Variants in ANKRD36B observed in about 807,000 individuals in gnomAD.
The protein encoded by ANKRD36B is ankyrin repeat domain 36B.
ANKRD36B carries 37 observed loss-of-function variants against 135.7 expected under a neutral mutation model. The observed-to-expected ratio is 0.27, with a 90% confidence interval of 0.21 to 0.36. The LOEUF (loss-of-function observed/expected upper bound fraction) is 0.36. Ranked by LOEUF, ANKRD36B falls within the 10% of genes least tolerant of loss-of-function variation. The pLI is 1.00. For synonymous variants in ANKRD36B, 179 were observed against 348.1 expected (o/e 0.51, Z 5.41); for missense variants, 549 against 1,037.1 (o/e 0.53, Z 6.46).
Position 97,589,814 on chromosome 2 carries a change from G to C in ANKRD36B, c.-129C>G. ...AGAGCAACAACAGGCAAAGCAGTCT[G>C]TGCACGGACCTCCGCGCAGACTCTC... On this transcript the variant is annotated 5_prime_UTR_variant, in exon 1 of 44. Coordinates refer to ENST00000359901, the MANE Select transcript of ANKRD36B (RefSeq NM_001393939.1). The C allele has an allele frequency of 1.4e-6, 2 of 1,413,918 alleles. No homozygotes were observed. Among genetic ancestry groups the C allele is most frequent in the Non-Finnish European group, 1.9e-6 (2 of 1,026,718 alleles). The allele number at this position is 1,413,918 out of a possible 1,614,324, so 87.6% of individuals were successfully genotyped here. A position where few individuals can be genotyped will look rare whatever the true frequency, so the allele number is the denominator to read the frequency against.
Position 97,553,151 on chromosome 2 carries a change from G to C in ANKRD36B, c.1273+17C>G. The C allele has an allele frequency of 6.2e-7, 1 of 1,607,282 alleles. No homozygotes were observed. The highest frequency in any genetic ancestry group is 8.5e-7 in the Non-Finnish European group (1 of 1,175,968). On this transcript the variant is annotated intron_variant, in intron 16 of 43. Coordinates refer to ENST00000359901, the MANE Select transcript of ANKRD36B (RefSeq NM_001393939.1). ...ATCTGGATTGAACATGACATTGAAT[G>C]TGTTTTGCAAAATTACCTGTCCCAG...
chr2:97,550,485 T>A (rs1265990329), intron 18 of ANKRD36B, among the ~76,000 whole-genome samples: 2 of 151,860 alleles, frequency 1.3e-5, no homozygotes, highest in African/African-American at 2.4e-5. Context: ...AGTATCATGT[T>A]ATTTTCTAAA....
At chr2:97,557,472 A>T (rs1319096274) in intron 10 of ANKRD36B, among the ~76,000 whole-genome samples, 1 of 151,828 alleles carries the variant, frequency 6.6e-6, no homozygotes, top group Admixed American at 6.6e-5. Flanking sequence ...CCAGGAATCA[A>T]TGTCAAAGAA....
At chr2:97,571,990 T>C (rs946669857) in intron 6 of ANKRD36B, among the ~76,000 whole-genome samples, 3 of 152,122 alleles carry the variant, frequency 2.0e-5, no homozygotes, top group Admixed American at 6.6e-5. Context: ...AAGGAAGTTA[T>C]AGACCAGCAC....
intron 22 of ANKRD36B, among the ~76,000 whole-genome samples, chr2:97,546,237 T>C (rs2079449781): frequency 6.6e-6 from 1 of 151,766 alleles, no homozygotes; most frequent in Non-Finnish European, 1.5e-5. Context: ...ATGTCTTTCA[T>C]GTAAGAAATC....
intron 18 of ANKRD36B, among the ~76,000 whole-genome samples, chr2:97,549,928 A>G (rs1469361785): frequency 2.0e-5 from 3 of 151,976 alleles, no homozygotes; most frequent in Non-Finnish European, 4.4e-5. Flanking sequence ...AAATCAGAGG[A>G]GCAACTCACA....
In ANKRD36B at chr2:97,526,472, C is replaced by T. The variant is rs1172110082; in HGVS notation, c.2266-3005G>A. Among the ~76,000 whole-genome samples, 5 of 97,076 alleles carry T rather than the reference C, an allele frequency of 5.2e-5. 2 individuals are homozygous for T. The highest frequency in any genetic ancestry group is 1.1e-4 in the Non-Finnish European group (4 of 36,452). 63.7% of individuals were successfully genotyped at this position (97,076 alleles called of 152,430 possible). A position where few individuals can be genotyped will look rare whatever the true frequency, so the allele number is the denominator to read the frequency against. On this transcript the variant is annotated intron_variant, in intron 35 of 43. Transcript: ENST00000359901. ...ATGGGGAAAAAACAGAGCAGAAAAA[C>T]TGGAAACTCTAAAAAGCAGAGTGCC... is the stretch of plus-strand genomic sequence containing the variant.
chr2:97,536,349 A>G lies in ANKRD36B; in HGVS notation c.2142T>C (p.Ser714=). ...TCATTTTGGTGGCTGTATTCAGAAC[A>G]GAATCTTTATTTTCAATTGTAGCCT... ...TLKATIENKD[S]VLNTATKMKE... is the part of the protein sequence containing the mutation. Residue 714 remains serine, a synonymous_variant, in exon 34 of 44, where the codon TCT becomes TCC. Transcript: ENST00000359901. The G allele has an allele frequency of 1.1e-6, 1 of 943,490 alleles. No individual in the cohort carries two copies. The highest frequency in any genetic ancestry group is 2.2e-5 in the Admixed American group (1 of 44,624). The allele number at this position is 943,490 out of a possible 1,614,324, so 58.4% of individuals were successfully genotyped here. A position where few individuals can be genotyped will look rare whatever the true frequency, so the allele number is the denominator to read the frequency against.
At chr2:97,551,042 T>C (rs762262722) in intron 18 of ANKRD36B, among the ~76,000 whole-genome samples, 2 of 151,890 alleles carry the variant, frequency 1.3e-5, no homozygotes, top group Non-Finnish European at 2.9e-5. Context: ...CCAGAGCCCC[T>C]TATGTCTTCA....
Position 97,560,678 on chromosome 2 carries a change from A to T in ANKRD36B, c.852T>A (p.Pro284=), listed in dbSNP as rs367884437. ...TTGCAAAATTACCTGTCCCAGATAT[A>T]GGTCCCTCCTTTATTTCTGTGGCTA... ...SNIATEIKEG[P]ISGTVSSQKQ... is the part of the protein sequence containing the mutation. Residue 284 remains proline (P), a synonymous_variant, in exon 8 of 44, where the codon CCT becomes CCA. Transcript: ENST00000359901. 4.0e-5 allele frequency: 64 copies of T among 1,603,574 alleles called. No individual in the cohort carries two copies. The South Asian group carries it at 4.1e-4, about 10-fold the overall frequency.
At chr2:97,557,051 A>G (rs2080595128) in intron 11 of ANKRD36B, 42 bp from the exon 12 acceptor site, 1 of 1,546,986 alleles carries the variant, frequency 6.5e-7, no homozygotes, top group African/African-American at 1.4e-5. Context: ...CATAATATAT[A>G]TTTCATAGGC....
Position 97,532,351 on chromosome 2 carries a change from T to G in ANKRD36B, c.2225A>C (p.Glu742Ala), listed in dbSNP as rs1460381455. 8 of 811,336 alleles carry G rather than the reference T, an allele frequency of 9.9e-6. No homozygotes were observed. In the South Asian group the frequency reaches 1.1e-4, roughly 11 times the overall value. 50.3% of individuals were successfully genotyped at this position (811,336 alleles called of 1,614,324 possible). The change falls in exon 35 of 44, where the codon GAG (glutamate) becomes GCG (alanine). Residue 742 changes from glutamate to alanine, a missense_variant. Physicochemically the swap from Glu to Ala is moderately radical, Grantham distance 107 (BLOSUM62 -1). Transcript: ENST00000359901. ...EQDLEMASEGEQKRLEEYENN... is the reference protein window; with the variant it reads ...EQDLEMASEGAQKRLEEYENN... Reference sequence around the variant, plus strand: ...TTCATATTCTTCAAGCCTCTTTTGCTCTCCCTCTGATGCCATTTCTAAGTC... The same window carrying G: ...TTCATATTCTTCAAGCCTCTTTTGCGCTCCCTCTGATGCCATTTCTAAGTC...
chr2:97,553,079 C>A lies in ANKRD36B; in HGVS notation c.1273+89G>T, dbSNP rs747236468. ...CAGAATGTGCAGCTTCAGCGAGCCC[C>A]CCACCCGCCCTGCGCTGATTTATTA... On this transcript the variant is annotated intron_variant, in intron 16 of 43. Transcript: ENST00000359901. 64 of 1,480,336 alleles carry A rather than the reference C, an allele frequency of 4.3e-5. 1 individual carries two copies. The Middle Eastern group carries it at 7.0e-4, about 16-fold the overall frequency. 91.7% of individuals were successfully genotyped at this position (1,480,336 alleles called of 1,614,324 possible).
intron 43 of ANKRD36B, among the ~76,000 whole-genome samples, chr2:97,494,666 T>G (rs2077285064): frequency 9.9e-6 from 1 of 100,610 alleles, no homozygotes; most frequent in African/African-American, 2.7e-5. Context: ...TTGGACAATT[T>G]GATTATAGTG....
intron 6 of ANKRD36B, among the ~76,000 whole-genome samples, chr2:97,562,169 T>C (rs1237143318): frequency 2.0e-5 from 3 of 151,786 alleles, no homozygotes; most frequent in Non-Finnish European, 4.4e-5. Flanking sequence ...CAGATTCCTA[T>C]GAAAATAAAC....
rs763415744 is a variant in ANKRD36B, at chr2:97,553,183, C to T, written c.1258G>A (p.Glu420Lys). 77 of 1,611,020 alleles carry T rather than the reference C, an allele frequency of 4.8e-5. No homozygotes were observed. Among genetic ancestry groups the T allele is most frequent in the Non-Finnish European group, 6.4e-5 (76 of 1,178,634 alleles). The stretch of plus-strand genomic sequence containing the variant: ...GCAAAATTACCTGTCCCAGATTTTT[C>T]TCCATCCTTTATTTCTGTGGCTATA... ...SNIATEIKDG[E>K]KSGTVSSQKK... Residue 420 changes from glutamate to lysine, a missense_variant, in exon 16 of 44, where the codon GAA (glutamate) becomes AAA (lysine). Transcript: ENST00000359901.
intron 6 of ANKRD36B, among the ~76,000 whole-genome samples, chr2:97,568,355 G>T (rs1044144016): frequency 2.0e-5 from 3 of 152,070 alleles, no homozygotes; most frequent in African/African-American, 7.2e-5. Flanking sequence ...TATGAAAACT[G>T]TACTCTATTC....
chr2:97,552,926 A>G (rs1205569972), intron 16 of ANKRD36B, among the ~76,000 whole-genome samples: 2 of 151,932 alleles, frequency 1.3e-5, no homozygotes, highest in African/African-American at 4.8e-5. Context: ...ACCTCTCTCC[A>G]ATATTTCTTC....
intron 5 of ANKRD36B, among the ~76,000 whole-genome samples, chr2:97,577,178 G>C (rs989529983): frequency 1.4e-5 from 2 of 147,942 alleles, no homozygotes; most frequent in East Asian, 2.0e-4. Context: ...GATCTGGCTT[G>C]GGCTACCACT....
Sources: allele counts gnomAD v4.1 joint callset (sites outside exome capture counted in the v4.1 genomes callset), GRCh38; gene constraint gnomAD v4.1.1; transcripts MANE v1.5; gene names NCBI Gene and HGNC (gene_info 2026-07-23, HGNC 2026-07-21).